EYS: variants seen among roughly 807,000 people sequenced by gnomAD.
EYS encodes the protein EGF-like photoreceptor maintenance factor.
In EYS, 250 loss-of-function variants were observed where a neutral mutation model predicts 282.1. That is an observed-to-expected ratio of 0.89 (90% CI 0.80 to 0.98). The LOEUF (loss-of-function observed/expected upper bound fraction) is 0.98, where lower values mean the gene tolerates loss of function less well. Among genes scored for constraint, EYS ranks in the 50% least tolerant of loss-of-function variants. EYS has a pLI of 0.00. For synonymous variants in EYS, 1,355 were observed against 1,282.9 expected (o/e 1.06, Z -1.20); for missense variants, 4,016 against 3,709.0 (o/e 1.08, Z -2.15).
At chr6:64,442,711 G>A (rs532395215) in intron 26 of EYS, among the ~76,000 whole-genome samples, 1 of 152,212 alleles carries the variant, frequency 6.6e-6, no homozygotes, top group Non-Finnish European at 1.5e-5. Flanking sequence ...TTGCTTCAGA[G>A]GGTGGAAGCC....
At chr6:64,302,816 A>G (rs1769282992) in intron 30 of EYS, among the ~76,000 whole-genome samples, 1 of 152,156 alleles carries the variant, frequency 6.6e-6, no homozygotes. Context: ...CAAGACATAA[A>G]ACCTGCACTT....
At chr6:64,965,439 A>AAG (rs1362605008) in intron 14 of EYS, among the ~76,000 whole-genome samples, 1 of 151,978 alleles carries the variant, frequency 6.6e-6, no homozygotes, top group African/African-American at 2.4e-5. Flanking sequence ...ACATATAGGA[A>AAG]AGTAAATGCA....
At chr6:65,361,971 G>T (rs1380709405) in intron 8 of EYS, among the ~76,000 whole-genome samples, 1 of 152,166 alleles carries the variant, frequency 6.6e-6, no homozygotes, top group East Asian at 1.9e-4. Context: ...ACACATACGA[G>T]TAACTAATTT....
At chr6:65,011,024 T>A (rs1771848776) in intron 13 of EYS, among the ~76,000 whole-genome samples, 1 of 152,074 alleles carries the variant, frequency 6.6e-6, no homozygotes, top group South Asian at 2.1e-4. Context: ...TATAGAAGGA[T>A]CCCTAGTATG....
intron 2 of EYS, among the ~76,000 whole-genome samples, chr6:65,566,313 A>T (rs1769278584): frequency 6.6e-6 from 1 of 152,048 alleles, no homozygotes; most frequent in African/African-American, 2.4e-5. Context: ...CAGCTCCTCC[A>T]GTATACTGGC....
chr6:64,591,300 G>A lies in EYS; in HGVS notation c.4567C>T (p.Pro1523Ser). Residue 1523 changes from proline to serine, a missense_variant, in exon 26 of 43, where the codon CCC becomes TCC. By Grantham distance (74) the Pro-to-Ser change is moderately conservative (BLOSUM62 -1). Coordinates refer to ENST00000503581, the MANE Select transcript of EYS (RefSeq NM_001142800.2). ...LHRFSTKAFNPSEYQAITEAS... is the reference protein window; with the variant it reads ...LHRFSTKAFNSSEYQAITEAS... ...TCAGTAATAGCCTGATATTCACTGGGATTGAAGGCTTTTGTACTGAACCGG... is the reference window on the plus strand; with the variant it reads ...TCAGTAATAGCCTGATATTCACTGGAATTGAAGGCTTTTGTACTGAACCGG... The A allele has an allele frequency of 6.4e-7, 1 of 1,551,322 alleles. No homozygotes were observed. The highest frequency in any genetic ancestry group is 1.4e-5 in the African/African-American group (1 of 73,128).
intron 2 of EYS, among the ~76,000 whole-genome samples, chr6:65,574,943 T>C (rs1379580180): frequency 6.6e-6 from 1 of 152,046 alleles, no homozygotes; most frequent in African/African-American, 2.4e-5. Flanking sequence ...GTTATGAAAC[T>C]AAAAATAAAT....
intron 26 of EYS, among the ~76,000 whole-genome samples, chr6:64,448,868 T>C (rs936288877): frequency 2.0e-5 from 3 of 151,974 alleles, no homozygotes; most frequent in Admixed American, 6.6e-5. Flanking sequence ...GTCACCATCA[T>C]CAAAGACCAG....
At chr6:64,883,126 C>CTA (rs138697483) in intron 19 of EYS, among the ~76,000 whole-genome samples, 23,374 of 151,176 alleles carry the variant, frequency 0.15, 2,116 homozygotes, top group East Asian at 0.49. Context: ...TTTTCCCAAA[C>CTA]TATGCTTCTT....
At chr6:65,200,911 A>G (rs1765884059) in intron 12 of EYS, among the ~76,000 whole-genome samples, 1 of 152,188 alleles carries the variant, frequency 6.6e-6, no homozygotes, top group Admixed American at 6.5e-5. Flanking sequence ...ATTTTGCCTG[A>G]AAATGAGAAT....
At chr6:65,196,458 A>T (rs1290224988) in intron 12 of EYS, among the ~76,000 whole-genome samples, 1 of 152,072 alleles carries the variant, frequency 6.6e-6, no homozygotes, top group Non-Finnish European at 1.5e-5. Context: ...TTTACTCAAC[A>T]AATCTTCATC....
At chr6:63,922,786 G>A (rs1183867862) in intron 35 of EYS, among the ~76,000 whole-genome samples, 1 of 152,130 alleles carries the variant, frequency 6.6e-6, no homozygotes, top group African/African-American at 2.4e-5. Flanking sequence ...GCTATCTAAA[G>A]GTAATTTTCT....
At chr6:64,779,817 T>C (rs1773803883) in intron 22 of EYS, among the ~76,000 whole-genome samples, 1 of 152,176 alleles carries the variant, frequency 6.6e-6, no homozygotes, top group African/African-American at 2.4e-5. Flanking sequence ...AGCTATAAAT[T>C]AAACATTATT....
intron 7 of EYS, among the ~76,000 whole-genome samples, chr6:65,400,734 A>G (rs1766462907): frequency 6.6e-6 from 1 of 151,992 alleles, no homozygotes; most frequent in South Asian, 2.1e-4. Context: ...ATTTAGATCT[A>G]TAGCATATGT....
At chr6:64,174,629 G>T (rs185317823) in intron 31 of EYS, among the ~76,000 whole-genome samples, 1 of 151,568 alleles carries the variant, frequency 6.6e-6, no homozygotes, top group African/African-American at 2.4e-5. Flanking sequence ...AACAATTAGG[G>T]TAATGTATAC....
At chr6:63,723,980 G>A (rs1768515181) in intron 42 of EYS, among the ~76,000 whole-genome samples, 1 of 151,964 alleles carries the variant, frequency 6.6e-6, no homozygotes, top group Non-Finnish European at 1.5e-5. Context: ...GCTAATTTTT[G>A]TATTTTGGGT....
intron 30 of EYS, among the ~76,000 whole-genome samples, chr6:64,276,257 T>A (rs1029482956): frequency 6.6e-6 from 1 of 152,212 alleles, no homozygotes; most frequent in African/African-American, 2.4e-5. Flanking sequence ...TATAATTTTG[T>A]ACCCTTGAAA....
At chr6:64,390,787 G>C (rs1225953285) in intron 28 of EYS, among the ~76,000 whole-genome samples, 1 of 148,816 alleles carries the variant, frequency 6.7e-6, no homozygotes, top group East Asian at 2.0e-4. Context: ...TGACTTTGAC[G>C]AGCTGAGAGA....
At chr6:64,146,164 G>A (rs544433286) in intron 31 of EYS, among the ~76,000 whole-genome samples, 22 of 152,128 alleles carry the variant, frequency 1.4e-4, no homozygotes, top group African/African-American at 5.1e-4. Flanking sequence ...ATATTTATGA[G>A]ATTCACAGTC....
Sources: allele counts gnomAD v4.1 joint callset (sites outside exome capture counted in the v4.1 genomes callset), GRCh38; gene constraint gnomAD v4.1.1; transcripts MANE v1.5; gene names NCBI Gene and HGNC (gene_info 2026-07-23, HGNC 2026-07-21).